The following OTUD6B variants were observed in gnomAD, a reference collection of about 807,000 sequenced individuals.
OTUD6B encodes deubiquitinase OTUD6B.
OTUD6B carries 41 observed loss-of-function variants against 36.9 expected under a neutral mutation model. The observed-to-expected ratio is 1.11, with a 90% CI of 0.87 to 1.44. The LOEUF (loss-of-function observed/expected upper bound fraction) is 1.44, where lower values mean the gene tolerates loss of function less well. Ranked by LOEUF, OTUD6B falls within the 40% of genes most tolerant of loss-of-function variation. The pLI, the probability that OTUD6B is intolerant of heterozygous loss-of-function variation, is 0.00. For synonymous variants in OTUD6B, 114 were observed against 114.2 expected (o/e 1.00, Z 0.01); for missense variants, 356 against 344.8 (o/e 1.03, Z -0.26).
intron 5 of OTUD6B, among the ~76,000 whole-genome samples, 164 bp downstream of exon 5, chr8:91,080,894 A>AT (rs1812892624): frequency 6.6e-6 from 1 of 152,124 alleles, no homozygotes; most frequent in East Asian, 1.9e-4. Context: ...AGTTAACATG[A>AT]TTAGGTCTGT....
rs200942571 is a variant in OTUD6B at position 91,071,275 on chromosome 8, A to G, written c.220A>G (p.Thr74Ala). The change falls in exon 2 of 7, where the codon ACT becomes GCT. Residue 74 changes from threonine to alanine, a missense_variant. Thr to Ala is a moderately conservative substitution (Grantham distance 58, BLOSUM62 0). Coordinates refer to ENST00000404789, the MANE Select transcript of OTUD6B (RefSeq NM_016023.5). ...GGAACTGGAGCAATTGAAGCTGACT[A>G]CTAAGGAGAATAAGGTATGTGAAAT... Reference protein sequence around the residue: ...REELEQLKLTTKENKIDSVAV... With the variant: ...REELEQLKLTAKENKIDSVAV... The G allele has an allele frequency of 8.1e-6, 13 of 1,612,756 alleles. No individual in the cohort carries two copies. The highest frequency in any genetic ancestry group is 2.2e-5 in the East Asian group (1 of 44,822).
chr8:91,078,710 G>T lies in OTUD6B; in HGVS notation c.628+42G>T, dbSNP rs1221238865. 5.7e-6 allele frequency: 8 copies of T among 1,400,160 alleles called. No homozygotes were observed. In the African/African-American group the frequency reaches 5.8e-5, roughly 10 times the overall value. The allele number at this position is 1,400,160 out of a possible 1,614,324, so 86.7% of individuals were successfully genotyped here. ...TACTATGTTTTATTGTTGCTTTGTT[G>T]TAGTTGTTTTTAAATAAGGTGCTTC... is the stretch of plus-strand genomic sequence containing the variant. On this transcript the variant is annotated intron_variant, in intron 4 of 6. Coordinates refer to ENST00000404789, the MANE Select transcript of OTUD6B (RefSeq NM_016023.5).
chr8:91,084,047 A>G lies in OTUD6B; in HGVS notation c.730A>G (p.Ile244Val). Residue 244 changes from isoleucine to valine, a missense_variant, in exon 6 of 7, where the codon ATA (isoleucine) becomes GTA (valine). Ile to Val is a conservative substitution (Grantham distance 29). Coordinates refer to ENST00000404789, the MANE Select transcript of OTUD6B (RefSeq NM_016023.5). ...TCACATTTTACAAACACCAATAGAG[A>G]TAATACAGGCAGATTCTCCTCCCAT... The part of the protein sequence containing the change: ...LSHILQTPIE[I>V]IQADSPPIIV... 1 of 1,581,696 alleles carries G rather than the reference A, an allele frequency of 6.3e-7. No individual in the cohort carries two copies. Among genetic ancestry groups the G allele is most frequent in the Non-Finnish European group, 8.6e-7 (1 of 1,162,304 alleles).
rs1342625778 is a variant in OTUD6B, at chr8:91,078,344, T to C, written c.316-12T>C. The C allele has an allele frequency of 1.3e-6, 2 of 1,543,528 alleles. No individual in the cohort carries two copies. Among genetic ancestry groups the C allele is most frequent in the Admixed American group, 2.1e-5 (1 of 48,182 alleles). On this transcript the variant is annotated splice_polypyrimidine_tract_variant and intron_variant, in intron 3 of 6. Coordinates refer to ENST00000404789, the MANE Select transcript of OTUD6B (RefSeq NM_016023.5). ...ATTATGAATTAACTTTCATGCATTC[T>C]GCTTTTCTTAGGAAAAGAAAGCTGC...
At chr8:91,083,125 A>G (rs1341038835) in intron 5 of OTUD6B, among the ~76,000 whole-genome samples, 2 of 152,132 alleles carry the variant, frequency 1.3e-5, no homozygotes, top group Non-Finnish European at 2.9e-5. Context: ...AAAATTGTAT[A>G]TTTTAATCAA....
At position 91,084,926 on chromosome 8, in the gene OTUD6B, C is replaced by G; in HGVS notation, c.*58C>G. On this transcript the variant is annotated 3_prime_UTR_variant, in exon 7 of 7. Coordinates refer to ENST00000404789, the MANE Select transcript of OTUD6B (RefSeq NM_016023.5). The stretch of plus-strand genomic sequence containing the variant: ...CAGTGTGCTGAACTGAGTATTTCTA[C>G]CAAGTGTTGGGTTGTTCTAAATGCT... The G allele has an allele frequency of 1.2e-6, 1 of 845,968 alleles. No homozygotes were observed. Among genetic ancestry groups the G allele is most frequent in the Non-Finnish European group, 1.8e-6 (1 of 561,440 alleles). The allele number at this position is 845,968 out of a possible 1,614,324, so 52.4% of individuals were successfully genotyped here. A position where few individuals can be genotyped will look rare whatever the true frequency, so the allele number is the denominator to read the frequency against.
intron 4 of OTUD6B, chr8:91,078,897 AT>A: frequency 2.8e-6 from 1 of 354,100 alleles, no homozygotes; most frequent in Non-Finnish European, 5.1e-6. Context: ...TATGCTAATC[AT>A]TTTATGTAAG....
chr8:91,078,590 G>T lies in OTUD6B; in HGVS notation c.550G>T (p.Ala184Ser), dbSNP rs771021419. 3 of 1,603,928 alleles carry T rather than the reference G, an allele frequency of 1.9e-6. No individual in the cohort carries two copies. Among genetic ancestry groups the T allele is most frequent in the Non-Finnish European group, 2.6e-6 (3 of 1,174,714 alleles). Reference protein sequence around the residue: ...LTVVALRSQTAEYMQSHVEDF... With the variant: ...LTVVALRSQTSEYMQSHVEDF... ...TGTGGTTGCCTTGAGAAGTCAGACC[G>T]CTGAGTATATGCAAAGCCATGTGGA... is the stretch of plus-strand genomic sequence containing the variant. Residue 184 changes from alanine (A) to serine (S), a missense_variant, in exon 4 of 7, where the codon GCT becomes TCT. Physicochemically the swap from Ala to Ser is moderately conservative, Grantham distance 99. Coordinates refer to ENST00000404789, the MANE Select transcript of OTUD6B (RefSeq NM_016023.5).
intron 5 of OTUD6B, among the ~76,000 whole-genome samples, chr8:91,083,663 C>T (rs975028742): frequency 4.6e-5 from 7 of 152,010 alleles, no homozygotes; most frequent in African/African-American, 1.7e-4. Flanking sequence ...ATAAAATTAC[C>T]TTCATGGTGT....
intron 2 of OTUD6B, among the ~76,000 whole-genome samples, chr8:91,072,026 G>A (rs1426482940): frequency 1.3e-5 from 2 of 152,132 alleles, no homozygotes; most frequent in South Asian, 2.1e-4. Flanking sequence ...AGTCATTTTT[G>A]TTATAAAAGT....
intron 3 of OTUD6B, among the ~76,000 whole-genome samples, chr8:91,074,230 G>A (rs1415983168): frequency 1.3e-5 from 2 of 152,144 alleles, no homozygotes; most frequent in African/African-American, 2.4e-5. Flanking sequence ...GAGCGAAGCT[G>A]GGAGTGGGAG....
rs4501550 is a variant in OTUD6B at position 91,075,984 on chromosome 8, A to T, written c.315+2073A>T. ...AGTATTTTATTCAAAGAACTTACAAACTTTTTGATATGAGAGAAAGAGTCT... is the reference window on the plus strand; with the variant it reads ...AGTATTTTATTCAAAGAACTTACAATCTTTTTGATATGAGAGAAAGAGTCT... On this transcript the variant is annotated intron_variant, in intron 3 of 6. Coordinates refer to ENST00000404789, the MANE Select transcript of OTUD6B (RefSeq NM_016023.5). Among the ~76,000 whole-genome samples, 3 of 151,862 alleles carry T rather than the reference A, an allele frequency of 2.0e-5. No homozygotes were observed. In the South Asian group the frequency reaches 6.2e-4, roughly 31 times the overall value.
rs1812955689 is a variant in OTUD6B at position 91,083,937 on chromosome 8, G to A, written c.691-71G>A. Reference sequence around the variant, plus strand: ...CAGCGTATCCCTGCTCTGACTGGTTGCCCGTTCACACATATTTGAATGTGA... The same window carrying A: ...CAGCGTATCCCTGCTCTGACTGGTTACCCGTTCACACATATTTGAATGTGA... On this transcript the variant is annotated intron_variant, in intron 5 of 6. Coordinates refer to ENST00000404789, the MANE Select transcript of OTUD6B (RefSeq NM_016023.5). The A allele has an allele frequency of 1.3e-5, 20 of 1,532,266 alleles. No homozygotes were observed. The South Asian group carries it at 2.0e-4, about 15-fold the overall frequency. 94.9% of individuals were successfully genotyped at this position (1,532,266 alleles called of 1,614,324 possible).
chr8:91,084,168 A>T (rs909627646), intron 6 of OTUD6B, 54 bp downstream of exon 6: 86 of 1,041,986 alleles, frequency 8.3e-5, no homozygotes, highest in Non-Finnish European at 1.1e-4. Context: ...TACAAAAAGG[A>T]ATATTAAAAA....
In OTUD6B at chr8:91,085,100, G is replaced by T; in HGVS notation, c.*232G>T. The T allele has an allele frequency of 3.9e-6, 1 of 257,194 alleles. No homozygotes were observed. Among genetic ancestry groups the T allele is most frequent in the Non-Finnish European group, 7.4e-6 (1 of 135,964 alleles). The allele number at this position is 257,194 out of a possible 1,614,324, so 15.9% of individuals were successfully genotyped here. On this transcript the variant is annotated 3_prime_UTR_variant, in exon 7 of 7. Transcript: ENST00000404789. Reference sequence around the variant, plus strand: ...TTCATTGTAGAGAACACCATTCATAGACCAAGATGGTCCCCTATTAGCTGA... The same window carrying T: ...TTCATTGTAGAGAACACCATTCATATACCAAGATGGTCCCCTATTAGCTGA...
chr8:91,076,732 G>C (rs1255242166), intron 3 of OTUD6B: 1 of 933,026 alleles, frequency 1.1e-6, no homozygotes, highest in African/African-American at 1.6e-5. Context: ...GATATCTAAG[G>C]TGCTTATTCT....
chr8:91,074,761 T>A (rs1462439004), intron 3 of OTUD6B, among the ~76,000 whole-genome samples: 2 of 152,124 alleles, frequency 1.3e-5, no homozygotes, highest in Non-Finnish European at 2.9e-5. Flanking sequence ...ATTTTTAAAT[T>A]CATTTTGCAT....
At chr8:91,072,568 C>A (rs953132273) in intron 2 of OTUD6B, among the ~76,000 whole-genome samples, 2 of 152,144 alleles carry the variant, frequency 1.3e-5, no homozygotes, top group Non-Finnish European at 2.9e-5. Context: ...TTATAATGGT[C>A]CTTACATTAA....
Position 91,085,045 on chromosome 8 carries a change from T to C in OTUD6B, c.*177T>C, listed in dbSNP as rs981099071. ...TCAGAGATAAACTTTAACCAGTGTC[T>C]TCTTAGTGGAATTTTAAAAATTTGT... On this transcript the variant is annotated 3_prime_UTR_variant, in exon 7 of 7. Coordinates refer to ENST00000404789, the MANE Select transcript of OTUD6B (RefSeq NM_016023.5). The C allele has an allele frequency of 2.8e-6, 1 of 356,978 alleles. No homozygotes were observed. The highest frequency in any genetic ancestry group is 5.2e-6 in the Non-Finnish European group (1 of 193,714). 22.1% of individuals were successfully genotyped at this position (356,978 alleles called of 1,614,324 possible). A position where few individuals can be genotyped will look rare whatever the true frequency, so the allele number is the denominator to read the frequency against.
Sources: allele counts gnomAD v4.1 joint callset (sites outside exome capture counted in the v4.1 genomes callset), GRCh38; gene constraint gnomAD v4.1.1; transcripts MANE v1.5; gene names NCBI Gene and HGNC (gene_info 2026-07-23, HGNC 2026-07-21).